The following PRKN variants were observed in gnomAD, a reference collection of about 807,000 sequenced individuals.
PRKN encodes E3 ubiquitin-protein ligase parkin.
A neutral mutation model predicts 59.5 loss-of-function variants in PRKN; 56 were observed. That is an observed-to-expected ratio of 0.94 (90% CI 0.76 to 1.18). The LOEUF (loss-of-function observed/expected upper bound fraction) is 1.18, where lower values mean the gene tolerates loss of function less well. Among genes scored for constraint, PRKN ranks in the 50% most tolerant of loss-of-function variants. The pLI is 0.00. For missense variants in PRKN, 657 were observed against 596.4 expected (o/e 1.10, Z -1.06); for synonymous variants, 250 against 222.1 (o/e 1.13, Z -1.12).
chr6:161,904,532 G>A lies in PRKN; in HGVS notation c.734+68770C>T, dbSNP rs555635201. On this transcript the variant is annotated intron_variant, in intron 6 of 11. Coordinates refer to ENST00000366898, the MANE Select transcript of PRKN (RefSeq NM_004562.3). The stretch of plus-strand genomic sequence containing the variant: ...GGGTTTCACTGTGTCAGCCAGGACG[G>A]TCTCGATCTCCTGACCTCATGATCT... 3.3e-5 allele frequency among the ~76,000 whole-genome samples: 5 copies of A among 152,154 alleles called. No homozygotes were observed. The South Asian group carries it at 1.0e-3, about 32-fold the overall frequency.
In PRKN at chr6:161,527,553, CT is replaced by C. The variant is rs1779059378; in HGVS notation, c.1083+21300del. Among the ~76,000 whole-genome samples the C allele has an allele frequency of 6.6e-6, 1 of 152,210 alleles. No homozygotes were observed. The highest frequency in any genetic ancestry group is 1.5e-5 in the Non-Finnish European group (1 of 68,040). On this transcript the variant is annotated intron_variant, in intron 9 of 11. Coordinates refer to ENST00000366898, the MANE Select transcript of PRKN (RefSeq NM_004562.3). The surrounding 1 kb of genome is among the most constrained non-coding windows in gnomAD (Gnocchi z 4.6). ...ACCAAGTGCTGTGGCCTCTCTCTGC[CT>C]GAGGGGTGGAGTGAGGAACATCTGC... is the stretch of plus-strand genomic sequence containing the variant.
chr6:162,484,686 C>T (rs1035503861), intron 1 of PRKN, among the ~76,000 whole-genome samples: 4 of 152,272 alleles, frequency 2.6e-5, no homozygotes, highest in Non-Finnish European at 4.4e-5. Context: ...TTTTAATTTG[C>T]GGTTCTTCAG....
intron 7 of PRKN, among the ~76,000 whole-genome samples, chr6:161,667,622 C>T (rs1471012043): frequency 6.6e-6 from 1 of 152,204 alleles, no homozygotes; most frequent in Non-Finnish European, 1.5e-5. Flanking sequence ...TTCTTCGTAT[C>T]TCTAGTATCT....
intron 4 of PRKN, among the ~76,000 whole-genome samples, chr6:162,071,447 T>C (rs1013196290): frequency 1.3e-5 from 2 of 151,860 alleles, no homozygotes; most frequent in African/African-American, 4.8e-5. Context: ...TGGAATATAG[T>C]TTACAGACAC....
At chr6:161,478,248 G>A (rs9458281) in intron 9 of PRKN, among the ~76,000 whole-genome samples, 31,065 of 152,132 alleles carry the variant, frequency 0.2, 3,680 homozygotes, top group African/African-American at 0.33. Context: ...AAACTGAGTA[G>A]TGTGGCTCCC....
intron 10 of PRKN, among the ~76,000 whole-genome samples, chr6:161,364,056 C>A (rs1384899371): frequency 6.6e-6 from 1 of 151,330 alleles, no homozygotes; most frequent in African/African-American, 2.4e-5. Flanking sequence ...GTAGTCCCAG[C>A]TACTCAGGAG....
At chr6:162,304,489 T>TTCTA (rs6149895) in intron 2 of PRKN, among the ~76,000 whole-genome samples, 11,905 of 128,518 alleles carry the variant, frequency 0.093, 865 homozygotes, top group Middle Eastern at 0.12. Context: ...ACTCATCCAG[T>TTCTA]TCTATCTATC....
chr6:162,434,211 A>G (rs1789666534), intron 2 of PRKN, among the ~76,000 whole-genome samples: 1 of 152,204 alleles, frequency 6.6e-6, no homozygotes, highest in South Asian at 2.1e-4. Context: ...AAAGGCTAAA[A>G]CATTTTTTAA....
chr6:162,551,422 TAC>T (rs1330262096), intron 1 of PRKN, among the ~76,000 whole-genome samples: 1 of 152,222 alleles, frequency 6.6e-6, no homozygotes, highest in African/African-American at 2.4e-5. Flanking sequence ...TCTCTAAATA[TAC>T]AGTTATTCAG....
intron 4 of PRKN, among the ~76,000 whole-genome samples, chr6:162,148,432 A>C (rs999497036): frequency 1.3e-5 from 2 of 152,114 alleles, no homozygotes; most frequent in East Asian, 3.9e-4. Context: ...TGAGAAAACT[A>C]AACTATCAAG....
chr6:162,297,174 C>CTTTTTT (rs10681721), intron 2 of PRKN, among the ~76,000 whole-genome samples: 2 of 139,332 alleles, frequency 1.4e-5, no homozygotes, highest in African/African-American at 2.7e-5. Flanking sequence ...TTTTTCTTTT[C>CTTTTTT]TTTTTTTTTT....
rs1296905861 is a variant in PRKN, at chr6:161,457,673, C to G, written c.1084-70796G>C. Among the ~76,000 whole-genome samples the G allele has an allele frequency of 6.6e-6, 1 of 152,128 alleles. No individual in the cohort carries two copies. Among genetic ancestry groups the G allele is most frequent in the East Asian group, 1.9e-4 (1 of 5,196 alleles). ...CTCCAAGAAGGTCAGAAAGCAAAAT[C>G]AAGGAATATGAAAATCTACTGTTAG... On this transcript the variant is annotated intron_variant, in intron 9 of 11. Transcript: ENST00000366898. This position sits in a 1 kb window ranked among gnomAD's most constrained non-coding sequence, Gnocchi z 5.0.
At chr6:161,365,799 A>T (rs1785173345) in intron 10 of PRKN, among the ~76,000 whole-genome samples, 3 of 152,106 alleles carry the variant, frequency 2.0e-5, no homozygotes, top group Admixed American at 2.0e-4. Context: ...CAAGTTTAAT[A>T]CCTAGGAGTG....
intron 7 of PRKN, among the ~76,000 whole-genome samples, chr6:161,682,794 A>T (rs968252420): frequency 1.4e-4 from 21 of 152,158 alleles, no homozygotes; most frequent in Non-Finnish European, 3.1e-4. Context: ...ACATGGCCAC[A>T]GCATGAAGAA....
At chr6:162,011,357 T>G (rs868672303) in intron 5 of PRKN, among the ~76,000 whole-genome samples, 2 of 13,968 alleles carry the variant, frequency 1.4e-4, no homozygotes, top group Admixed American at 1.9e-3. Flanking sequence ...TAATATATAT[T>G]TATAATATAT....
chr6:162,106,206 G>C (rs901320711), intron 4 of PRKN, among the ~76,000 whole-genome samples: 1 of 152,198 alleles, frequency 6.6e-6, no homozygotes, highest in Non-Finnish European at 1.5e-5. Flanking sequence ...AATGGGAACA[G>C]GCTGGGAGAA....
At chr6:161,799,567 A>G (rs1211335917) in intron 6 of PRKN, among the ~76,000 whole-genome samples, 1 of 152,234 alleles carries the variant, frequency 6.6e-6, no homozygotes, top group East Asian at 1.9e-4. Flanking sequence ...TGAAGAGGGC[A>G]AATAGGACAA....
intron 9 of PRKN, among the ~76,000 whole-genome samples, chr6:161,535,230 G>A (rs1779368473): frequency 6.6e-6 from 1 of 152,108 alleles, no homozygotes; most frequent in Non-Finnish European, 1.5e-5. Flanking sequence ...TTAATAGAAG[G>A]GGCGAATACA....
intron 7 of PRKN, among the ~76,000 whole-genome samples, chr6:161,689,314 T>C (rs1001412822): frequency 2.6e-5 from 4 of 152,128 alleles, no homozygotes; most frequent in African/African-American, 9.7e-5. Context: ...ACAGCTTCTG[T>C]CATATTCCAT....
Sources: gnomAD v4.1 joint callset for allele counts (sites outside exome capture counted in the v4.1 genomes callset) on GRCh38, gnomAD v4.1.1 for gene constraint, Gnocchi (gnomAD v3.1) non-coding constraint, MANE v1.5 for transcripts, NCBI Gene and HGNC (gene_info 2026-07-23, HGNC 2026-07-21) for gene names.